The following UFL1 variants were observed in gnomAD, a reference collection of about 807,000 sequenced individuals.
UFL1 encodes the protein UFM1 specific ligase 1, also known as E3 UFM1-protein ligase 1.
In UFL1, 78 loss-of-function variants were observed where a neutral mutation model predicts 99.3. That is an observed-to-expected ratio of 0.79 (90% CI 0.65 to 0.95). The LOEUF is 0.95. Among genes scored for constraint, UFL1 ranks in the 40% least tolerant of loss-of-function variants. UFL1 has a pLI of 0.00. For synonymous variants in UFL1, 335 were observed against 322.2 expected, an observed-to-expected ratio of 1.04 and a Z score of -0.42; for missense variants, 936 against 937.0, an observed-to-expected ratio of 1.00 and a Z score of 0.01.
In UFL1 at chr6:96,551,533, A is replaced by G. The variant is rs1582447338; in HGVS notation, c.1899+20A>G. On this transcript the variant is annotated intron_variant, in intron 16 of 18. Transcript: ENST00000369278. ...GAAAAGGTAAGTAAAGTTTTATTCT[A>G]TTTACATGTCAGGGCTAGCAGTTTG... is the stretch of plus-strand genomic sequence containing the variant. 2.8e-6 allele frequency: 4 copies of G among 1,432,006 alleles called. No homozygotes were observed. The highest frequency in any genetic ancestry group is 1.8e-4 in the Middle Eastern group (1 of 5,510). The allele number at this position is 1,432,006 out of a possible 1,614,324, so 88.7% of individuals were successfully genotyped here. A position where few individuals can be genotyped will look rare whatever the true frequency, so the allele number is the denominator to read the frequency against.
intron 6 of UFL1, among the ~76,000 whole-genome samples, chr6:96,529,396 G>C (rs1285645724): frequency 1.3e-5 from 2 of 152,102 alleles, no homozygotes; most frequent in Non-Finnish European, 2.9e-5. Context: ...CTCAACAGTT[G>C]AAATCTACAT....
rs773229942 is a variant in UFL1, at chr6:96,538,766, T to C, written c.1114T>C (p.Cys372Arg). 6.2e-7 allele frequency: 1 copy of C among 1,610,798 alleles called. No individual in the cohort carries two copies. The highest frequency in any genetic ancestry group is 8.5e-7 in the Non-Finnish European group (1 of 1,177,990). Residue 372 changes from cysteine to arginine, a missense_variant, in exon 10 of 19, where the codon TGT becomes CGT. Physicochemically the swap from Cys to Arg is radical, Grantham distance 180 (BLOSUM62 -3). Transcript: ENST00000369278. ...VVVSEKFIND[C>R]TELFRELMHQ... is the part of the protein sequence containing the mutation. ...AGTCAGTGAAAAATTTATAAATGAC[T>C]GTACAGAACTGTTCCGTGAGCTGAT...
Position 96,537,449 on chromosome 6 carries a change from T to G in UFL1, c.878T>G (p.Leu293Arg). The change falls in exon 9 of 19, where the codon CTC (leucine) becomes CGC (arginine). Residue 293 changes from leucine to arginine, a missense_variant. Transcript: ENST00000369278. Reference sequence around the variant, plus strand: ...AAGAAAAGATATAAGACTACACAACTCTTGTTTTTGAAAGCAGCTTGTGTT... The same window carrying G: ...AAGAAAAGATATAAGACTACACAACGCTTGTTTTTGAAAGCAGCTTGTGTT... ...YIKKRYKTTQ[L>R]LFLKAACVGQ... 6.2e-7 allele frequency: 1 copy of G among 1,610,406 alleles called. No individual in the cohort carries two copies. Among genetic ancestry groups the G allele is most frequent in the Admixed American group, 1.7e-5 (1 of 59,584 alleles).
intron 8 of UFL1, 116 bp from the exon 9 acceptor site, chr6:96,537,258 T>A (rs1769866863): frequency 1.3e-6 from 1 of 789,538 alleles, no homozygotes; most frequent in Non-Finnish European, 1.8e-6. Flanking sequence ...GTTAGAGGAG[T>A]TAAGAAGGTA....
At chr6:96,529,496 C>G (rs1185864402) in intron 6 of UFL1, among the ~76,000 whole-genome samples, 2 of 152,168 alleles carry the variant, frequency 1.3e-5, no homozygotes, top group East Asian at 3.8e-4. Flanking sequence ...ATCTGTAAGT[C>G]TAATGGATAC....
rs758868210 is a variant in UFL1 at position 96,528,573 on chromosome 6, G to C, written c.537G>C (p.Thr179=). 1.6e-5 allele frequency: 26 copies of C among 1,613,862 alleles called. 1 individual carries two copies. The East Asian group carries it at 4.5e-4, about 28-fold the overall frequency. ...TTGATAATAGAGGAGTAATTTTTAC[G>C]GAAGCTTTTGTAGCTCGACATAAAG... ...IDLDNRGVIF[T]EAFVARHKAR... is the part of the protein sequence containing the mutation. Residue 179 remains threonine, a synonymous_variant, in exon 6 of 19, where the codon ACG becomes ACC. Transcript: ENST00000369278.
chr6:96,552,041 A>G (rs978719225), intron 17 of UFL1, 118 bp downstream of exon 17: 2 of 660,514 alleles, frequency 3.0e-6, no homozygotes, highest in Admixed American at 5.7e-5. Flanking sequence ...TGTGTCTAAT[A>G]TATCTAAATG....
chr6:96,551,520 A>G lies in UFL1; in HGVS notation c.1899+7A>G, dbSNP rs777642446. On this transcript the variant is annotated splice_region_variant and intron_variant, in intron 16 of 18. Transcript: ENST00000369278. ...TAACTCTCTGAATGAAAAGGTAAGTAAAGTTTTATTCTATTTACATGTCAG... is the reference window on the plus strand; with the variant it reads ...TAACTCTCTGAATGAAAAGGTAAGTGAAGTTTTATTCTATTTACATGTCAG... 2.3e-5 allele frequency: 35 copies of G among 1,500,920 alleles called. No homozygotes were observed. The Admixed American group carries it at 7.3e-4, about 31-fold the overall frequency. 93.0% of individuals were successfully genotyped at this position (1,500,920 alleles called of 1,614,324 possible).
At chr6:96,543,168 TA>T in intron 12 of UFL1, 152 bp downstream of exon 12, 1 of 813,492 alleles carries the variant, frequency 1.2e-6, no homozygotes, top group Non-Finnish European at 1.8e-6. Context: ...ACACTTTAGT[TA>T]AATGTTATCA....
At chr6:96,537,047 A>G (rs1769863966) in intron 8 of UFL1, among the ~76,000 whole-genome samples, 1 of 151,652 alleles carries the variant, frequency 6.6e-6, no homozygotes, top group South Asian at 2.1e-4. Flanking sequence ...AATCCAAGTC[A>G]AACTGCATAA....
chr6:96,532,850 T>G (rs574072194), intron 6 of UFL1, among the ~76,000 whole-genome samples: 1 of 152,328 alleles, frequency 6.6e-6, no homozygotes, highest in African/African-American at 2.4e-5. Context: ...AAGCCCCTGC[T>G]GTGCTTCCAC....
intron 6 of UFL1, among the ~76,000 whole-genome samples, chr6:96,528,928 G>C (rs1167435074): frequency 6.6e-6 from 1 of 152,168 alleles, no homozygotes. Flanking sequence ...CAGTATATAA[G>C]TGTCACCCTT....
In UFL1 at chr6:96,537,545, T is replaced by C. The variant is rs750150211; in HGVS notation, c.974T>C (p.Ile325Thr). 1.9e-6 allele frequency: 3 copies of C among 1,579,122 alleles called. No individual in the cohort carries two copies. In the South Asian group the frequency reaches 3.5e-5, roughly 18 times the overall value. ...ATCAGCTCTGGAACATGGGTTGATA[T>C]TGCAGTATGTTTTATCTTTTCCTCA... ...EAISSGTWVDIAPLLPTSLSV... is the reference protein window; with the variant it reads ...EAISSGTWVDTAPLLPTSLSV... The change falls in exon 9 of 19, where the codon ATT (isoleucine) becomes ACT (threonine). Residue 325 changes from isoleucine to threonine, a missense_variant. Transcript: ENST00000369278.
intron 14 of UFL1, 25 bp downstream of exon 14, chr6:96,549,603 GT>G: frequency 6.3e-7 from 1 of 1,591,240 alleles, no homozygotes; most frequent in South Asian, 1.2e-5. Flanking sequence ...TGTTAATCTT[GT>G]TTTTTCATTG....
chr6:96,526,623 G>A (rs1488073067), intron 5 of UFL1, among the ~76,000 whole-genome samples, 188 bp downstream of exon 5: 2 of 152,064 alleles, frequency 1.3e-5, no homozygotes, highest in East Asian at 1.9e-4. Flanking sequence ...GTTCTGAGGA[G>A]GCAGTTTAAA....
At chr6:96,525,523 A>G (rs1425523965) in intron 4 of UFL1, 129 bp downstream of exon 4, 8 of 729,080 alleles carry the variant, frequency 1.1e-5, no homozygotes, top group Admixed American at 8.4e-5. Context: ...GTTGATTTTC[A>G]TGATAAGGTT....
chr6:96,548,306 G>A (rs751551287), intron 13 of UFL1, 25 bp downstream of exon 13: 2 of 1,392,802 alleles, frequency 1.4e-6, no homozygotes, highest in African/African-American at 3.0e-5. Context: ...TATTTTTTCT[G>A]TTTTATGGTA....
At chr6:96,543,482 A>G (rs368814834) in intron 12 of UFL1, among the ~76,000 whole-genome samples, 1 of 151,296 alleles carries the variant, frequency 6.6e-6, no homozygotes, top group African/African-American at 2.4e-5. Context: ...GCCAACAAAG[A>G]TAAAAGCGTA....
rs747218283 is a variant in UFL1, at chr6:96,552,602, C to T, written c.2106C>T (p.Leu702=). 1 of 1,612,738 alleles carries T rather than the reference C, an allele frequency of 6.2e-7. No individual in the cohort carries two copies. Among genetic ancestry groups the T allele is most frequent in the Non-Finnish European group, 8.5e-7 (1 of 1,179,532 alleles). ...LLFQFSTHSM[L]HAPGRCVPQI... is the part of the protein sequence containing the mutation. ...TTCAGTTTTCAACCCACAGCATGCT[C>T]CATGCACCTGGAAGATGTGTCCCAC... Residue 702 remains leucine (L), a synonymous_variant, in exon 18 of 19, where the codon CTC becomes CTT. Transcript: ENST00000369278.
Sources: gnomAD v4.1 joint callset for allele counts (sites outside exome capture counted in the v4.1 genomes callset) on GRCh38, gnomAD v4.1.1 for gene constraint, MANE v1.5 for transcripts, NCBI Gene and HGNC (gene_info 2026-07-23, HGNC 2026-07-21) for gene names.